The following PITPNC1 variants were observed in gnomAD, a reference collection of about 807,000 sequenced individuals.
PITPNC1 encodes cytoplasmic phosphatidylinositol transfer protein 1.
A neutral mutation model predicts 44.7 loss-of-function variants in PITPNC1; 18 were observed. The ratio of observed to expected loss-of-function variants is 0.40; its 90% CI spans 0.28 to 0.60. The LOEUF (loss-of-function observed/expected upper bound fraction) is 0.60. Among genes scored for constraint, PITPNC1 ranks in the 20% least tolerant of loss-of-function variants. The pLI is 0.39. For missense variants in PITPNC1, 290 were observed against 418.4 expected (o/e 0.69, Z 2.68); for synonymous variants, 141 against 149.6 (o/e 0.94, Z 0.42).
At chr17:67,382,765 C>T (rs918895315) in intron 1 of PITPNC1, among the ~76,000 whole-genome samples, 5 of 150,382 alleles carry the variant, frequency 3.3e-5, no homozygotes, top group African/African-American at 9.8e-5. Flanking sequence ...GCTGGGATTA[C>T]AGGCGCCCAC....
chr17:67,449,307 G>A (rs886771187), intron 1 of PITPNC1, among the ~76,000 whole-genome samples: 4 of 152,108 alleles, frequency 2.6e-5, no homozygotes, highest in East Asian at 3.8e-4. Context: ...GAAGTTAAAC[G>A]TGACTCAGAG....
At chr17:67,586,568 C>T (rs565816577) in intron 5 of PITPNC1, among the ~76,000 whole-genome samples, 13 of 151,996 alleles carry the variant, frequency 8.6e-5, no homozygotes, top group South Asian at 4.2e-4. Context: ...GCACTCCAGC[C>T]GGGGTGACAA....
At chr17:67,538,292 A>G (rs1285808919) in intron 2 of PITPNC1, among the ~76,000 whole-genome samples, 2 of 152,152 alleles carry the variant, frequency 1.3e-5, no homozygotes, top group Non-Finnish European at 2.9e-5. Flanking sequence ...GCCCTCCTTC[A>G]CACTACACAC....
At chr17:67,440,534 ATTTATTTATT>A (rs1250313777) in intron 1 of PITPNC1, among the ~76,000 whole-genome samples, 1 of 149,110 alleles carries the variant, frequency 6.7e-6, no homozygotes, top group African/African-American at 2.5e-5. Context: ...TTATTTATTT[ATTTATTTATT>A]TATTTGAGAC....
At chr17:67,594,218 G>GA (rs1209863013) in intron 5 of PITPNC1, among the ~76,000 whole-genome samples, 2 of 152,192 alleles carry the variant, frequency 1.3e-5, no homozygotes, top group African/African-American at 4.8e-5. Flanking sequence ...GTGTAAAGGG[G>GA]AAAATGGCAC....
At chr17:67,524,166 C>T (rs1165615797) in intron 1 of PITPNC1, among the ~76,000 whole-genome samples, 1 of 152,152 alleles carries the variant, frequency 6.6e-6, no homozygotes, top group Non-Finnish European at 1.5e-5. Flanking sequence ...CATAGGCTGG[C>T]TCATGGTAGC....
intron 1 of PITPNC1, among the ~76,000 whole-genome samples, chr17:67,429,216 AAAAG>A (rs1389952416): frequency 2.6e-4 from 39 of 152,198 alleles, no homozygotes; most frequent in African/African-American, 7.2e-5. Context: ...AAGAAAGAAA[AAAAG>A]AAAGAAGAAT....
At chr17:67,629,968 G>C (rs1170247246) in intron 5 of PITPNC1, among the ~76,000 whole-genome samples, 1 of 152,266 alleles carries the variant, frequency 6.6e-6, no homozygotes, top group Middle Eastern at 3.4e-3. Context: ...GAAAAGAATA[G>C]GCAAGAAGAG....
rs1418000773 is a variant in PITPNC1, at chr17:67,693,074, T to C, written c.*186T>C. 1 of 566,376 alleles carries C rather than the reference T, an allele frequency of 1.8e-6. No homozygotes were observed. The highest frequency in any genetic ancestry group is 3.1e-6 in the Non-Finnish European group (1 of 321,906). 35.1% of individuals were successfully genotyped at this position (566,376 alleles called of 1,614,324 possible). Reference sequence around the variant, plus strand: ...CCTAAGTATGCTACACAGCATCATATTAGATGTAAGATGTAAGACTTGCAA... The same window carrying C: ...CCTAAGTATGCTACACAGCATCATACTAGATGTAAGATGTAAGACTTGCAA... On this transcript the variant is annotated 3_prime_UTR_variant, in exon 9 of 9. Transcript: ENST00000581322.
At chr17:67,592,664 A>T (rs1209586846) in intron 5 of PITPNC1, among the ~76,000 whole-genome samples, 3 of 152,248 alleles carry the variant, frequency 2.0e-5, no homozygotes, top group African/African-American at 7.2e-5. Flanking sequence ...CATAATAGAT[A>T]ATGTGTCTCC....
In PITPNC1 at chr17:67,501,318, TC is replaced by T. The variant is rs1293622101; in HGVS notation, c.49-31483del. 7.2e-5 allele frequency among the ~76,000 whole-genome samples: 11 copies of T among 152,288 alleles called. No homozygotes were observed. In the East Asian group the frequency reaches 2.1e-3, roughly 29 times the overall value. ...TATAGACCCCAAAAATACACTTTCA[TC>T]ACCTAGTGCTGTAGATGCACTCCGG... is the stretch of plus-strand genomic sequence containing the variant. On this transcript the variant is annotated intron_variant, in intron 1 of 8. Transcript: ENST00000581322.
chr17:67,517,051 G>A (rs1477140901), intron 1 of PITPNC1, among the ~76,000 whole-genome samples: 1 of 152,198 alleles, frequency 6.6e-6, no homozygotes, highest in Admixed American at 6.5e-5. Context: ...TGGACACGAT[G>A]TCTTAGCTTC....
chr17:67,589,604 C>CA (rs10714478), intron 5 of PITPNC1, among the ~76,000 whole-genome samples: 10,026 of 126,290 alleles, frequency 0.079, 399 homozygotes, highest in Middle Eastern at 0.14. Flanking sequence ...ATAATTGACT[C>CA]AAAAAAAAAA....
At chr17:67,685,644 C>T (rs12938001) in intron 8 of PITPNC1, among the ~76,000 whole-genome samples, 226 of 152,140 alleles carry the variant, frequency 1.5e-3, no homozygotes, top group African/African-American at 5.3e-3. Flanking sequence ...CATGAAGTTC[C>T]GCTCTGCCAA....
chr17:67,633,340 C>T (rs892671512), intron 6 of PITPNC1, among the ~76,000 whole-genome samples: 6 of 152,194 alleles, frequency 3.9e-5, no homozygotes, highest in African/African-American at 1.2e-4. Context: ...TGAATTCTGT[C>T]GTTACGCAAA....
intron 1 of PITPNC1, among the ~76,000 whole-genome samples, chr17:67,423,355 A>G (rs1300680574): frequency 6.6e-6 from 1 of 152,208 alleles, no homozygotes; most frequent in Non-Finnish European, 1.5e-5. Flanking sequence ...ATTGCCTGGC[A>G]GGGCCCTTAC....
chr17:67,434,417 G>C (rs546947595), intron 1 of PITPNC1, among the ~76,000 whole-genome samples: 1 of 152,142 alleles, frequency 6.6e-6, no homozygotes, highest in African/African-American at 2.4e-5. Context: ...CCCAAGTAGC[G>C]TTTCCTTTTC....
In PITPNC1 at chr17:67,514,034, G is replaced by C. The variant is rs141079621; in HGVS notation, c.49-18768G>C. Reference sequence around the variant, plus strand: ...GGGAAAAAAAAAAATCCCAGGTAGTGGGAGTATCTGTGTAGGTCGAGATAG... The same window carrying C: ...GGGAAAAAAAAAAATCCCAGGTAGTCGGAGTATCTGTGTAGGTCGAGATAG... On this transcript the variant is annotated intron_variant, in intron 1 of 8. Transcript: ENST00000581322. Among the ~76,000 whole-genome samples, 789 of 151,974 alleles carry C rather than the reference G, an allele frequency of 5.2e-3. 6 individuals are homozygous for C. Among genetic ancestry groups the C allele is most frequent in the African/African-American group, 0.018 (750 of 41,436 alleles).
At position 67,618,364 on chromosome 17, in the gene PITPNC1, CAAAAAAAAAAAA is replaced by C. The variant is rs11417487; in HGVS notation, c.367-13768_367-13757del. On this transcript the variant is annotated intron_variant, in intron 5 of 8. Transcript: ENST00000581322. The stretch of plus-strand genomic sequence containing the variant: ...TGGGTGAGAGAGCGAGACTCCGTCT[CAAAAAAAAAAAA>C]AAAAAAAAAAGATATGTATAACTTT... Among the ~76,000 whole-genome samples, 26 of 76,864 alleles carry C rather than the reference CAAAAAAAAAAAA, an allele frequency of 3.4e-4. No individual in the cohort carries two copies. In the East Asian group the frequency reaches 0.011, roughly 33 times the overall value. The allele number at this position is 76,864 out of a possible 152,430, so 50.4% of individuals were successfully genotyped here. A position where few individuals can be genotyped will look rare whatever the true frequency, so the allele number is the denominator to read the frequency against.
Sources: gnomAD v4.1 joint callset for allele counts (sites outside exome capture counted in the v4.1 genomes callset) on GRCh38, gnomAD v4.1.1 for gene constraint, MANE v1.5 for transcripts, NCBI Gene and HGNC (gene_info 2026-07-23, HGNC 2026-07-21) for gene names.